ARMH3: variants seen among roughly 807,000 people sequenced by gnomAD.
ARMH3 encodes armadillo-like helical domain-containing protein 3.
A neutral mutation model predicts 99.1 loss-of-function variants in ARMH3; 60 were observed. The ratio of observed to expected loss-of-function variants is 0.61; its 90% confidence interval spans 0.49 to 0.75. ARMH3 has a LOEUF of 0.75. Among genes scored for constraint, ARMH3 ranks in the 30% least tolerant of loss-of-function variants. ARMH3 has a pLI of 0.00. For missense variants in ARMH3, 679 were observed against 843.1 expected, an observed-to-expected ratio of 0.81 and a Z score of 2.41; for synonymous variants, 285 against 292.8, an observed-to-expected ratio of 0.97 and a Z score of 0.27.
chr10:102,026,032 C>T, intron 5 of ARMH3, among the ~76,000 whole-genome samples: 1 of 152,202 alleles, frequency 6.6e-6, no homozygotes, highest in Non-Finnish European at 1.5e-5. Flanking sequence ...CAGGCTATCA[C>T]TAGCCATATA....
chr10:101,890,580 G>A (rs991451726), intron 23 of ARMH3, among the ~76,000 whole-genome samples: 2 of 152,206 alleles, frequency 1.3e-5, no homozygotes, highest in Non-Finnish European at 2.9e-5. Flanking sequence ...AATAATATAT[G>A]TAGATACTTC....
intron 24 of ARMH3, among the ~76,000 whole-genome samples, chr10:101,879,760 TTCTC>T (rs994204476): frequency 2.0e-5 from 3 of 152,156 alleles, no homozygotes; most frequent in Admixed American, 6.5e-5. Flanking sequence ...CTGAAACACT[TTCTC>T]TCCTATCTAG....
intron 4 of ARMH3, 21 bp downstream of exon 4, chr10:102,033,005 C>T (rs1006994835): frequency 3.1e-6 from 5 of 1,611,528 alleles, no homozygotes; most frequent in Non-Finnish European, 1.7e-6. Context: ...ACAAGACTTC[C>T]CCAGTCTCCC....
At chr10:101,976,168 CAAAAAAAA>C (rs780547260) in intron 19 of ARMH3, among the ~76,000 whole-genome samples, 1 of 23,188 alleles carries the variant, frequency 4.3e-5, no homozygotes, top group Non-Finnish European at 7.6e-5. Context: ...GACTCTGTCT[CAAAAAAAA>C]AAAAAAAAAA....
intron 23 of ARMH3, among the ~76,000 whole-genome samples, chr10:101,925,017 T>C (rs1351216652): frequency 6.6e-6 from 1 of 151,722 alleles, no homozygotes; most frequent in East Asian, 1.9e-4. Context: ...AACAAAATAA[T>C]AATAATAAAT....
At chr10:101,951,048 A>T (rs1005254180) in intron 22 of ARMH3, among the ~76,000 whole-genome samples, 1 of 152,262 alleles carries the variant, frequency 6.6e-6, no homozygotes, top group African/African-American at 2.4e-5. Flanking sequence ...ATTTTCAAAA[A>T]TACTAACAGC....
At chr10:101,924,607 G>A (rs573690926) in intron 23 of ARMH3, among the ~76,000 whole-genome samples, 62 of 151,194 alleles carry the variant, frequency 4.1e-4, no homozygotes, top group Non-Finnish European at 6.6e-4. Flanking sequence ...TGCCCACCTC[G>A]GCCTCCCAAA....
intron 24 of ARMH3, among the ~76,000 whole-genome samples, chr10:101,867,001 A>G (rs1183560480): frequency 6.6e-6 from 1 of 152,208 alleles, no homozygotes. Context: ...TGCAAAAGAC[A>G]TTTATTAGTA....
chr10:102,011,576 C>T, intron 11 of ARMH3, 147 bp downstream of exon 11: 2 of 550,896 alleles, frequency 3.6e-6, no homozygotes, highest in South Asian at 3.3e-5. Context: ...AGGAAATACA[C>T]TCCCCAAGAA....
chr10:102,036,179 C>G (rs1227905160), intron 2 of ARMH3, among the ~76,000 whole-genome samples: 5 of 137,366 alleles, frequency 3.6e-5, no homozygotes, highest in African/African-American at 1.3e-4. Context: ...CAGCCCCCGC[C>G]CGGCCAGCCG....
At chr10:101,889,390 T>C in intron 24 of ARMH3, 22 bp downstream of exon 24, 1 of 1,594,708 alleles carries the variant, frequency 6.3e-7, no homozygotes, top group Non-Finnish European at 8.6e-7. Flanking sequence ...AACTAGGTCA[T>C]CTGGGGAAAG....
chr10:101,957,722 AT>A lies in ARMH3; in HGVS notation c.1505del (p.Asn502IlefsTer3). 38 of 1,550,088 alleles carry A rather than the reference AT, an allele frequency of 2.5e-5. No individual in the cohort carries two copies. Among genetic ancestry groups the A allele is most frequent in the Non-Finnish European group, 3.3e-5 (38 of 1,158,960 alleles). On this transcript the variant is annotated frameshift_variant, in exon 21 of 26. Coordinates refer to ENST00000370033, the MANE Select transcript of ARMH3 (RefSeq NM_024541.3). LOFTEE classifies it high-confidence loss of function. ...TWRELWSALI[N>X]LLKFLMSNET... ...CATTTGACATAAGGAACTTCAGCAA[AT>A]TTATCAAGGCTTTAAAAAAAAAAAA... is the stretch of plus-strand genomic sequence containing the variant.
intron 13 of ARMH3, among the ~76,000 whole-genome samples, chr10:102,008,979 G>C (rs2066570906): frequency 6.6e-6 from 1 of 152,140 alleles, no homozygotes; most frequent in South Asian, 2.1e-4. Context: ...AAATTGGTGA[G>C]ATAATAAGGT....
chr10:101,957,753 A>G, intron 20 of ARMH3, 21 bp from the exon 21 acceptor site: 2 of 1,397,954 alleles, frequency 1.4e-6, no homozygotes, highest in Non-Finnish European at 1.9e-6. Context: ...AAAAAAAAAG[A>G]CATCAACAAG....
At chr10:101,965,743 A>T (rs546813654) in intron 20 of ARMH3, among the ~76,000 whole-genome samples, 51 of 152,310 alleles carry the variant, frequency 3.3e-4, no homozygotes, top group Non-Finnish European at 6.8e-4. Context: ...TCATTTCTTC[A>T]TTGGCAAGTC....
At chr10:101,992,801 A>G (rs1056886530) in intron 17 of ARMH3, among the ~76,000 whole-genome samples, 9 of 152,012 alleles carry the variant, frequency 5.9e-5, no homozygotes, top group Admixed American at 4.6e-4. Flanking sequence ...CCTCAATGTG[A>G]TATTTTTTAA....
At chr10:101,985,325 T>C (rs969396927) in intron 19 of ARMH3, among the ~76,000 whole-genome samples, 2 of 149,640 alleles carry the variant, frequency 1.3e-5, no homozygotes, top group Non-Finnish European at 3.0e-5. Context: ...CATATATATA[T>C]ACAGATCGCA....
At chr10:101,855,526 G>A (rs973042392) in intron 24 of ARMH3, among the ~76,000 whole-genome samples, 3 of 150,820 alleles carry the variant, frequency 2.0e-5, no homozygotes, top group African/African-American at 7.3e-5. Context: ...CCTGGATGAT[G>A]GAGTGAGACC....
In ARMH3 at chr10:101,846,688, G is replaced by A. The variant is rs1269026959; in HGVS notation, c.*840C>T. 2 of 152,286 alleles carry A rather than the reference G, an allele frequency of 1.3e-5. No individual in the cohort carries two copies. Among genetic ancestry groups the A allele is most frequent in the Non-Finnish European group, 2.9e-5 (2 of 68,122 alleles). The allele number at this position is 152,286 out of a possible 1,614,324, so 9.4% of individuals were successfully genotyped here. A position where few individuals can be genotyped will look rare whatever the true frequency, so the allele number is the denominator to read the frequency against. ...CAGAAAATAGGAAAACTGGCTGGGT[G>A]TGGTGGCTCACGCCTGTAATCCCAG... On this transcript the variant is annotated 3_prime_UTR_variant, in exon 26 of 26. Coordinates refer to ENST00000370033, the MANE Select transcript of ARMH3 (RefSeq NM_024541.3).
Sources: gnomAD v4.1 joint callset for allele counts (sites outside exome capture counted in the v4.1 genomes callset) on GRCh38, gnomAD v4.1.1 for gene constraint, MANE v1.5 for transcripts, NCBI Gene and HGNC (gene_info 2026-07-23, HGNC 2026-07-21) for gene names.